Variants in EDEM1 observed in about 807,000 individuals in gnomAD.
The protein encoded by EDEM1 is ER degradation enhancing alpha-mannosidase like protein 1.
A neutral mutation model predicts 74.4 loss-of-function variants in EDEM1; 67 were observed. The observed-to-expected ratio is 0.90, with a 90% CI of 0.74 to 1.10. The LOEUF (loss-of-function observed/expected upper bound fraction) is 1.10. EDEM1 is among the 50% of genes least tolerant of loss of function. The pLI, the probability that EDEM1 is intolerant of heterozygous loss-of-function variation, is 0.00. For missense variants in EDEM1, 926 were observed against 851.6 expected, an observed-to-expected ratio of 1.09 and a Z score of -1.09; for synonymous variants, 382 against 335.9, an observed-to-expected ratio of 1.14 and a Z score of -1.50.
At chr3:5,206,020 A>G (rs148926882) in intron 6 of EDEM1, among the ~76,000 whole-genome samples, 1 of 152,158 alleles carries the variant, frequency 6.6e-6, no homozygotes, top group African/African-American at 2.4e-5. Flanking sequence ...CTAATACTTT[A>G]CAAAGAACTG....
intron 1 of EDEM1, chr3:5,188,519 C>G (rs1289275873): frequency 2.0e-5 from 9 of 453,200 alleles, no homozygotes; most frequent in Non-Finnish European, 3.3e-5. Context: ...GCCTTCCTCT[C>G]CTGATTCTCC....
At chr3:5,197,779 A>T (rs1385566517) in intron 2 of EDEM1, among the ~76,000 whole-genome samples, 4 of 152,238 alleles carry the variant, frequency 2.6e-5, no homozygotes, top group Non-Finnish European at 4.4e-5. Flanking sequence ...TTGCAGCATT[A>T]TTGCATCATC....
chr3:5,200,460 T>C (rs2055021562), intron 3 of EDEM1, among the ~76,000 whole-genome samples: 2 of 152,242 alleles, frequency 1.3e-5, no homozygotes, highest in South Asian at 4.1e-4. Context: ...TTTCTCTCTC[T>C]GTCTCTCTCT....
In EDEM1 at chr3:5,208,159, T is replaced by G; in HGVS notation, c.1405T>G (p.Tyr469Asp). Residue 469 changes from tyrosine to aspartate, a missense_variant, in exon 8 of 12, where the codon TAT becomes GAT. Transcript: ENST00000256497. Reference sequence around the variant, plus strand: ...CTTCTACTATGCCATATGGAAACGATATGGTGCCCTCCCTGAGAGATATAA... The same window carrying G: ...CTTCTACTATGCCATATGGAAACGAGATGGTGCCCTCCCTGAGAGATATAA... ...HAFYYAIWKR[Y>D]GALPERYNWQ... is the part of the protein sequence containing the mutation. The G allele has an allele frequency of 6.2e-7, 1 of 1,613,088 alleles. No individual in the cohort carries two copies. The highest frequency in any genetic ancestry group is 8.5e-7 in the Non-Finnish European group (1 of 1,179,760).
intron 2 of EDEM1, 84 bp downstream of exon 2, chr3:5,195,365 C>T: frequency 1.3e-6 from 1 of 743,758 alleles, no homozygotes; most frequent in Non-Finnish European, 2.0e-6. Context: ...GTGGGAATTC[C>T]AGGGAGCCTG....
chr3:5,190,573 AGT>A (rs2054889796), intron 1 of EDEM1, among the ~76,000 whole-genome samples: 1 of 152,006 alleles, frequency 6.6e-6, no homozygotes, highest in African/African-American at 2.4e-5. Flanking sequence ...GCTGCCGATG[AGT>A]GTTTTGGTTT....
At chr3:5,211,596 C>T (rs751879265) in intron 10 of EDEM1, among the ~76,000 whole-genome samples, 6 of 152,092 alleles carry the variant, frequency 3.9e-5, no homozygotes, top group Non-Finnish European at 5.9e-5. Flanking sequence ...TTAGCCAAGA[C>T]CTGCAGCTCA....
intron 5 of EDEM1, among the ~76,000 whole-genome samples, chr3:5,204,546 G>A (rs915316838): frequency 2.0e-5 from 3 of 151,700 alleles, no homozygotes; most frequent in African/African-American, 4.8e-5. Flanking sequence ...ACCTGCCATC[G>A]CACCCAGCAA....
chr3:5,199,100 T>A (rs189560784), intron 2 of EDEM1, among the ~76,000 whole-genome samples: 75 of 152,386 alleles, frequency 4.9e-4, no homozygotes, highest in African/African-American at 1.5e-3. Context: ...TCAAAGTGTT[T>A]AGGCATCTGG....
chr3:5,213,032 C>A (rs1005076444), intron 10 of EDEM1, among the ~76,000 whole-genome samples: 7 of 152,192 alleles, frequency 4.6e-5, no homozygotes, highest in African/African-American at 1.7e-4. Context: ...TTATAGACTA[C>A]CTGTGCTTGG....
intron 1 of EDEM1, among the ~76,000 whole-genome samples, chr3:5,192,351 G>C (rs2054911803): frequency 6.6e-6 from 1 of 152,178 alleles, no homozygotes; most frequent in Admixed American, 6.5e-5. Context: ...CTGAACAGCT[G>C]TTACAGGTTA....
chr3:5,207,410 C>G (rs2055111983), intron 7 of EDEM1, 137 bp downstream of exon 7: 4 of 1,252,070 alleles, frequency 3.2e-6, no homozygotes, highest in Admixed American at 2.4e-5. Flanking sequence ...ACGTCTTCAT[C>G]TCTCTGTTTG....
intron 6 of EDEM1, among the ~76,000 whole-genome samples, chr3:5,206,443 T>A (rs891056917): frequency 1.3e-5 from 2 of 152,124 alleles, no homozygotes; most frequent in Admixed American, 6.6e-5. Context: ...CCTGACCTCG[T>A]GATCCACCCG....
chr3:5,214,993 ATCC>A (rs1243663354), intron 11 of EDEM1, among the ~76,000 whole-genome samples: 1 of 152,102 alleles, frequency 6.6e-6, no homozygotes, highest in East Asian at 1.9e-4. Flanking sequence ...CTTGCTGGAG[ATCC>A]TTGAAGGATG....
chr3:5,190,763 A>C lies in EDEM1; in HGVS notation c.509+2449A>C, dbSNP rs546495746. Among the ~76,000 whole-genome samples, 17 of 152,310 alleles carry C rather than the reference A, an allele frequency of 1.1e-4. No individual in the cohort carries two copies. In the South Asian group the frequency reaches 3.5e-3, roughly 32 times the overall value. On this transcript the variant is annotated intron_variant, in intron 1 of 11. Transcript: ENST00000256497. ...ACCTTTGTTGTCTTTGAGGAGGCCA[A>C]AGAAGCCTTGCATGGACGCCTCACA...
intron 11 of EDEM1, among the ~76,000 whole-genome samples, chr3:5,213,740 G>A (rs961948426): frequency 1.3e-5 from 2 of 152,206 alleles, no homozygotes; most frequent in South Asian, 2.1e-4. Context: ...AGGTGCTGGT[G>A]GGGAGAGTGG....
chr3:5,204,454 A>G (rs1016294565), intron 5 of EDEM1, among the ~76,000 whole-genome samples: 2 of 151,836 alleles, frequency 1.3e-5, no homozygotes, highest in African/African-American at 4.8e-5. Context: ...GCTCACTGCA[A>G]CCTCTTCCTC....
chr3:5,195,003 A>G (rs551248959), intron 1 of EDEM1: 1 of 369,256 alleles, frequency 2.7e-6, no homozygotes, highest in Non-Finnish European at 4.9e-6. Flanking sequence ...GTGTGTCTCC[A>G]CAGTTCTGTG....
At chr3:5,200,873 T>G (rs1194304148) in intron 3 of EDEM1, among the ~76,000 whole-genome samples, 1 of 151,936 alleles carries the variant, frequency 6.6e-6, no homozygotes, top group Non-Finnish European at 1.5e-5. Context: ...CTCTGTTTTT[T>G]TTTTTTTAAT....
Sources: allele counts gnomAD v4.1 joint callset (sites outside exome capture counted in the v4.1 genomes callset), GRCh38; gene constraint gnomAD v4.1.1; transcripts MANE v1.5; gene names NCBI Gene and HGNC (gene_info 2026-07-23, HGNC 2026-07-21).